The following RAB17 variants were observed in gnomAD, a reference collection of about 807,000 sequenced individuals.
RAB17 encodes RAB17, member RAS oncogene family.
In RAB17, 15 loss-of-function variants were observed where a neutral mutation model predicts 19.3. The ratio of observed to expected loss-of-function variants is 0.78; its 90% confidence interval spans 0.52 to 1.20. RAB17 has a LOEUF of 1.20. Ranked by LOEUF, RAB17 falls within the 50% of genes most tolerant of loss-of-function variation. The pLI, the probability that RAB17 is intolerant of heterozygous loss-of-function variation, is 0.00. For synonymous variants in RAB17, 110 were observed against 112.8 expected (o/e 0.97, Z 0.16); for missense variants, 262 against 269.3 (o/e 0.97, Z 0.19).
At chr2:237,577,504 A>G in intron 3 of RAB17, 122 bp from the exon 4 acceptor site, 2 of 1,183,874 alleles carry the variant, frequency 1.7e-6, no homozygotes, top group Non-Finnish European at 2.3e-6. Flanking sequence ...CCAACTGGCC[A>G]TGGGCGCACC....
At chr2:237,582,678 G>A (rs1050456817) in intron 2 of RAB17, among the ~76,000 whole-genome samples, 1 of 152,216 alleles carries the variant, frequency 6.6e-6, no homozygotes, top group African/African-American at 2.4e-5. Context: ...AGCCACACGT[G>A]ACAAAAGAAG....
intron 3 of RAB17, 153 bp from the exon 4 acceptor site, chr2:237,577,535 C>G (rs756310632): frequency 3.6e-6 from 3 of 833,384 alleles, no homozygotes; most frequent in Non-Finnish European, 5.4e-6. Context: ...CTCCGTTCCT[C>G]TGAGGAGGGC....
Position 237,586,073 on chromosome 2 carries a change from C to T in RAB17, c.82G>A (p.Gly28Ser). The change falls in exon 2 of 6, where the codon GGC (glycine) becomes AGC (serine). Residue 28 changes from glycine (G) to serine (S), a missense_variant. Coordinates refer to ENST00000264601, the MANE Select transcript of RAB17 (RefSeq NM_022449.4). ...RVFKLVLLGS[G>S]SVGKSSLALR... ...GCCAAGCTGGACTTACCCACGGAGC[C>T]ACTTCCCAGGAGAACCAGCTTGAAC... The T allele has an allele frequency of 6.2e-7, 1 of 1,613,708 alleles. No homozygotes were observed. Among genetic ancestry groups the T allele is most frequent in the Non-Finnish European group, 8.5e-7 (1 of 1,179,828 alleles).
rs759537387 is a variant in RAB17, at chr2:237,577,340, C to T, written c.352G>A (p.Glu118Lys). The T allele has an allele frequency of 1.9e-6, 3 of 1,613,608 alleles. No individual in the cohort carries two copies. Among genetic ancestry groups the T allele is most frequent in the Non-Finnish European group, 2.5e-6 (3 of 1,179,726 alleles). Residue 118 changes from glutamate (E) to lysine (K), a missense_variant, in exon 4 of 6, where the codon GAG becomes AAG. Transcript: ENST00000264601. ...AGGACTTCTCCTGGGTGCAGCTCCT[C>T]CTCCAGGTCCTTCAGCCACTGCTGA... ...KAQQWLKDLEEELHPGEVLVM... is the reference protein window; with the variant it reads ...KAQQWLKDLEKELHPGEVLVM...
chr2:237,577,107 A>C (rs2081270572), intron 4 of RAB17, 150 bp downstream of exon 4: 1 of 922,066 alleles, frequency 1.1e-6, no homozygotes, highest in Admixed American at 2.4e-5. Context: ...GTGTAAATGC[A>C]TGTGGGCGTG....
At chr2:237,582,548 G>A (rs78680036) in intron 2 of RAB17, among the ~76,000 whole-genome samples, 3,385 of 152,326 alleles carry the variant, frequency 0.022, 126 homozygotes, top group African/African-American at 0.075. Flanking sequence ...AGCACTGGGC[G>A]TGCTGCCTCC....
At chr2:237,584,586 A>G (rs2081333836) in intron 2 of RAB17, among the ~76,000 whole-genome samples, 1 of 152,056 alleles carries the variant, frequency 6.6e-6, no homozygotes, top group African/African-American at 2.4e-5. Flanking sequence ...AACAACAAGA[A>G]CAGCCAGAGA....
Position 237,574,624 on chromosome 2 carries a change from C to T in RAB17, c.*395G>A, listed in dbSNP as rs2081246146. On this transcript the variant is annotated 3_prime_UTR_variant, in exon 6 of 6. Coordinates refer to ENST00000264601, the MANE Select transcript of RAB17 (RefSeq NM_022449.4). ...CCAACCCCCCAGAAGCAGGTGGGCC[C>T]AGGCTCCAGGCCAGTGCCCCCATCA... 6.6e-7 allele frequency: 1 copy of T among 1,522,190 alleles called. No individual in the cohort carries two copies. The highest frequency in any genetic ancestry group is 1.4e-5 in the African/African-American group (1 of 72,032). 94.3% of individuals were successfully genotyped at this position (1,522,190 alleles called of 1,614,324 possible).
intron 3 of RAB17, 103 bp downstream of exon 3, chr2:237,577,901 A>G (rs1304676200): frequency 3.0e-6 from 4 of 1,312,260 alleles, no homozygotes; most frequent in Non-Finnish European, 4.2e-6. Flanking sequence ...TCACTAATGG[A>G]GTCTCTGTTC....
At chr2:237,575,606 T>C (rs1162069798) in intron 4 of RAB17, 126 bp from the exon 5 acceptor site, 10 of 697,612 alleles carry the variant, frequency 1.4e-5, no homozygotes, top group East Asian at 8.3e-5. Context: ...CCACGTTTCG[T>C]GTCCAAGTTG....
At chr2:237,587,006 C>T (rs907604940) in intron 1 of RAB17, among the ~76,000 whole-genome samples, 6 of 152,170 alleles carry the variant, frequency 3.9e-5, no homozygotes, top group South Asian at 2.1e-4. Flanking sequence ...ATTTCCAGTA[C>T]GGATGTTGCT....
chr2:237,583,857 G>A (rs966857748), intron 2 of RAB17, among the ~76,000 whole-genome samples: 7 of 152,074 alleles, frequency 4.6e-5, no homozygotes, highest in Admixed American at 6.5e-5. Flanking sequence ...GAAAGCTGCC[G>A]GCAGGGGGAT....
intron 2 of RAB17, chr2:237,578,562 T>C: frequency 5.9e-6 from 1 of 170,420 alleles, no homozygotes; most frequent in Non-Finnish European, 1.3e-5. Flanking sequence ...GCCCCTCGCC[T>C]GCCAGACCCA....
intron 1 of RAB17, among the ~76,000 whole-genome samples, chr2:237,587,297 A>T (rs2081358093): frequency 6.6e-6 from 1 of 152,232 alleles, no homozygotes; most frequent in Admixed American, 6.5e-5. Flanking sequence ...TTTATTATCT[A>T]GGAAGAGAAG....
intron 3 of RAB17, 38 bp downstream of exon 3, chr2:237,577,966 G>A: frequency 6.4e-7 from 1 of 1,564,610 alleles, no homozygotes; most frequent in South Asian, 1.2e-5. Flanking sequence ...GCAGGTGCTT[G>A]GGAAGGAGGG....
intron 2 of RAB17, among the ~76,000 whole-genome samples, chr2:237,583,324 C>A (rs1310120001): frequency 6.6e-6 from 1 of 151,586 alleles, no homozygotes; most frequent in Non-Finnish European, 1.5e-5. Flanking sequence ...AAGACTCTGT[C>A]TCAAAAAAAT....
chr2:237,588,414 CACAA>C (rs2081367818), intron 1 of RAB17, among the ~76,000 whole-genome samples: 1 of 152,228 alleles, frequency 6.6e-6, no homozygotes, highest in Non-Finnish European at 1.5e-5. Flanking sequence ...GTTAAAGCAG[CACAA>C]ACAGACTAAG....
intron 1 of RAB17, among the ~76,000 whole-genome samples, chr2:237,586,465 T>C (rs2081351241): frequency 6.6e-6 from 1 of 151,840 alleles, no homozygotes; most frequent in Non-Finnish European, 1.5e-5. Context: ...TCAGGGCTTG[T>C]TGTCCTCCTT....
intron 2 of RAB17, among the ~76,000 whole-genome samples, chr2:237,585,000 T>TG (rs1273687884): frequency 1.3e-5 from 2 of 152,204 alleles, no homozygotes; most frequent in Admixed American, 6.5e-5. Flanking sequence ...GGCAGACCCC[T>TG]GCCAATTCCC....
Sources: gnomAD v4.1 joint callset for allele counts (sites outside exome capture counted in the v4.1 genomes callset) on GRCh38, gnomAD v4.1.1 for gene constraint, MANE v1.5 for transcripts, NCBI Gene and HGNC (gene_info 2026-07-23, HGNC 2026-07-21) for gene names.